BMP5: variants seen among roughly 807,000 people sequenced by gnomAD.
BMP5 encodes bone morphogenetic protein 5.
In BMP5, 23 loss-of-function variants were observed where a neutral mutation model predicts 46.6. The ratio of observed to expected loss-of-function variants is 0.49; its 90% CI spans 0.35 to 0.70. BMP5 has a LOEUF of 0.70. Ranked by LOEUF, BMP5 falls within the 30% of genes least tolerant of loss-of-function variation. BMP5 has a pLI of 0.00. For synonymous variants in BMP5, 204 were observed against 191.9 expected (o/e 1.06, Z -0.52); for missense variants, 545 against 565.6 (o/e 0.96, Z 0.37).
At chr6:55,866,791 C>A (rs1459619065) in intron 1 of BMP5, among the ~76,000 whole-genome samples, 1 of 152,020 alleles carries the variant, frequency 6.6e-6, no homozygotes, top group Non-Finnish European at 1.5e-5. Flanking sequence ...ATTATTGACC[C>A]ATGTACAATT....
At chr6:55,792,785 T>C (rs576565246) in intron 3 of BMP5, among the ~76,000 whole-genome samples, 28 of 152,308 alleles carry the variant, frequency 1.8e-4, no homozygotes, top group African/African-American at 6.7e-4. Flanking sequence ...TACTTACCTC[T>C]GTGGTTTATT....
chr6:55,822,387 T>A (rs147805047), intron 1 of BMP5, among the ~76,000 whole-genome samples: 14 of 152,256 alleles, frequency 9.2e-5, no homozygotes, highest in Non-Finnish European at 2.1e-4. Context: ...AAATATTTAT[T>A]GCTTTGCTGC....
intron 5 of BMP5, among the ~76,000 whole-genome samples, chr6:55,759,435 A>G (rs1774712373): frequency 6.6e-6 from 1 of 151,870 alleles, no homozygotes; most frequent in South Asian, 2.1e-4. Context: ...ACATGTATTC[A>G]CGAATAAAAC....
At position 55,753,850 on chromosome 6, in the gene BMP5, A is replaced by G. The variant is rs1774514263; in HGVS notation, c.*1683T>C. ...AACCAAATCAAGAACAGCAGAAATT[A>G]GCATCTGTTTAATATATTTTAAAAT... On this transcript the variant is annotated 3_prime_UTR_variant, in exon 7 of 7. Coordinates refer to ENST00000370830, the MANE Select transcript of BMP5 (RefSeq NM_021073.4). The G allele has an allele frequency of 6.6e-6, 1 of 152,008 alleles. No individual in the cohort carries two copies. The highest frequency in any genetic ancestry group is 1.5e-5 in the Non-Finnish European group (1 of 67,926). The allele number at this position is 152,008 out of a possible 1,614,324, so 9.4% of individuals were successfully genotyped here. A position where few individuals can be genotyped will look rare whatever the true frequency, so the allele number is the denominator to read the frequency against.
intron 1 of BMP5, among the ~76,000 whole-genome samples, chr6:55,841,105 G>T (rs769832969): frequency 3.3e-5 from 5 of 152,102 alleles, no homozygotes; most frequent in African/African-American, 1.2e-4. Context: ...TTCCTTATGA[G>T]AATCTAATGG....
chr6:55,815,021 T>C (rs911998818), intron 2 of BMP5, among the ~76,000 whole-genome samples: 2 of 150,968 alleles, frequency 1.3e-5, no homozygotes, highest in African/African-American at 4.9e-5. Context: ...TAGTCCCAGC[T>C]ACTCAGGAGT....
intron 2 of BMP5, among the ~76,000 whole-genome samples, chr6:55,814,914 G>A (rs959775327): frequency 2.0e-4 from 31 of 152,282 alleles, no homozygotes; most frequent in African/African-American, 7.5e-4. Context: ...TGGATCACCT[G>A]AGGTCAGGAG....
At chr6:55,765,076 G>A (rs572754553) in intron 4 of BMP5, among the ~76,000 whole-genome samples, 1 of 152,048 alleles carries the variant, frequency 6.6e-6, no homozygotes, top group South Asian at 2.1e-4. Flanking sequence ...CCATGAATAT[G>A]TATAATTATT....
intron 1 of BMP5, among the ~76,000 whole-genome samples, chr6:55,833,975 G>T (rs1356587918): frequency 6.6e-6 from 1 of 152,090 alleles, no homozygotes; most frequent in Non-Finnish European, 1.5e-5. Flanking sequence ...AATACAATAT[G>T]TATTTAGTAA....
chr6:55,841,764 TTA>T (rs1272675014), intron 1 of BMP5, among the ~76,000 whole-genome samples: 3 of 152,186 alleles, frequency 2.0e-5, no homozygotes, highest in Admixed American at 2.0e-4. Context: ...CTCAGTTGAA[TTA>T]TGTTTCACCC....
intron 1 of BMP5, among the ~76,000 whole-genome samples, chr6:55,850,093 C>T (rs1777192629): frequency 6.6e-6 from 1 of 152,072 alleles, no homozygotes; most frequent in Non-Finnish European, 1.5e-5. Flanking sequence ...CATCACCTTT[C>T]CTTGAAAAAT....
At chr6:55,784,146 T>C (rs1775390989) in intron 3 of BMP5, among the ~76,000 whole-genome samples, 1 of 151,922 alleles carries the variant, frequency 6.6e-6, no homozygotes, top group Non-Finnish European at 1.5e-5. Context: ...CAGTGTAAGA[T>C]GTTCTTAAGT....
chr6:55,873,082 C>T (rs1777821885), intron 1 of BMP5, among the ~76,000 whole-genome samples: 1 of 151,792 alleles, frequency 6.6e-6, no homozygotes, highest in Admixed American at 6.6e-5. Context: ...CAACATAAAA[C>T]GTACGATTTA....
chr6:55,838,630 CAGA>C (rs1328052391), intron 1 of BMP5, among the ~76,000 whole-genome samples: 2 of 152,026 alleles, frequency 1.3e-5, no homozygotes, highest in African/African-American at 4.8e-5. Flanking sequence ...CCTTGCTGTG[CAGA>C]AGGTTTTTAA....
rs544980465 is a variant in BMP5, at chr6:55,874,539, G to A, written c.327C>T (p.Thr109=). 6.2e-7 allele frequency: 1 copy of A among 1,613,254 alleles called. No homozygotes were observed. Among genetic ancestry groups the A allele is most frequent in the Non-Finnish European group, 8.5e-7 (1 of 1,179,614 alleles). Residue 109 remains threonine, a synonymous_variant, in exon 1 of 7, where the codon ACC becomes ACT. Coordinates refer to ENST00000370830, the MANE Select transcript of BMP5 (RefSeq NM_021073.4). ...YSVRASLAEE[T]RGARKGYPAS... is the part of the protein sequence containing the mutation. ...CTGGGTATCCCTTTCTTGCCCCTCTGGTCTCTTCTGCCAAGGATGCCCTTA... is the reference window on the plus strand; with the variant it reads ...CTGGGTATCCCTTTCTTGCCCCTCTAGTCTCTTCTGCCAAGGATGCCCTTA...
intron 1 of BMP5, among the ~76,000 whole-genome samples, chr6:55,862,174 G>A (rs1582129028): frequency 1.3e-5 from 2 of 152,216 alleles, no homozygotes; most frequent in Non-Finnish European, 2.9e-5. Context: ...ATAGGTGAAC[G>A]CTAACAACTA....
intron 1 of BMP5, among the ~76,000 whole-genome samples, chr6:55,866,864 A>G (rs1268315255): frequency 6.6e-6 from 1 of 152,142 alleles, no homozygotes; most frequent in Non-Finnish European, 1.5e-5. Flanking sequence ...CAACTCCTGA[A>G]GTAATTATCT....
rs111864662 is a variant in BMP5 at position 55,802,889 on chromosome 6, A to G, written c.684-8462T>C. 7.3e-3 allele frequency among the ~76,000 whole-genome samples: 1,101 copies of G among 151,676 alleles called. 13 individuals are homozygous for G. The highest frequency in any genetic ancestry group is 0.025 in the African/African-American group (1,043 of 41,292). On this transcript the variant is annotated intron_variant, in intron 2 of 6. Coordinates refer to ENST00000370830, the MANE Select transcript of BMP5 (RefSeq NM_021073.4). Reference sequence around the variant, plus strand: ...GCTAATCACATATTTCAGTATTGAAATTACAATACTTCAAAGGGGGAGTAT... The same window carrying G: ...GCTAATCACATATTTCAGTATTGAAGTTACAATACTTCAAAGGGGGAGTAT...
At chr6:55,799,200 A>T (rs917567529) in intron 2 of BMP5, among the ~76,000 whole-genome samples, 1 of 152,164 alleles carries the variant, frequency 6.6e-6, no homozygotes, top group East Asian at 1.9e-4. Context: ...CAATACTTTG[A>T]ATATCTATCT....
Sources: gnomAD v4.1 joint callset for allele counts (sites outside exome capture counted in the v4.1 genomes callset) on GRCh38, gnomAD v4.1.1 for gene constraint, MANE v1.5 for transcripts, NCBI Gene and HGNC (gene_info 2026-07-23, HGNC 2026-07-21) for gene names.